Variants in CNTN4 observed in about 807,000 individuals in gnomAD.
CNTN4 encodes the protein contactin-4.
Under a neutral mutation model 122.5 loss-of-function variants are expected in CNTN4, and 77 were observed. That is an observed-to-expected ratio of 0.63 (90% CI 0.52 to 0.76). The LOEUF is 0.76. CNTN4 is among the 30% of genes least tolerant of loss of function. The pLI, the probability that CNTN4 is intolerant of heterozygous loss-of-function variation, is 0.00. For synonymous variants in CNTN4, 512 were observed against 447.0 expected (o/e 1.15, Z -1.83); for missense variants, 1,256 against 1,259.1 (o/e 1.00, Z 0.04).
intron 2 of CNTN4, among the ~76,000 whole-genome samples, chr3:2,172,594 C>A (rs1039430748): frequency 7.9e-5 from 12 of 152,142 alleles, no homozygotes; most frequent in African/African-American, 2.9e-4. Context: ...TAGGCCAGCC[C>A]ATGAAAGCCG....
chr3:2,438,713 TA>T (rs1454062181), intron 3 of CNTN4, among the ~76,000 whole-genome samples: 1 of 152,076 alleles, frequency 6.6e-6, no homozygotes, highest in East Asian at 1.9e-4. Flanking sequence ...TCAGCTCACA[TA>T]TGGTGGTGGA....
At chr3:2,578,263 G>C (rs1170906319) in intron 4 of CNTN4, among the ~76,000 whole-genome samples, 1 of 152,124 alleles carries the variant, frequency 6.6e-6, no homozygotes, top group African/African-American at 2.4e-5. Flanking sequence ...TAAAGTTTGG[G>C]CTTATTCTAG....
chr3:2,275,102 C>G (rs1279498198), intron 2 of CNTN4, among the ~76,000 whole-genome samples: 1 of 152,184 alleles, frequency 6.6e-6, no homozygotes, highest in Non-Finnish European at 1.5e-5. Flanking sequence ...GATGTCTAAA[C>G]ATTTTATGTG....
chr3:2,425,839 G>C (rs1374001164), intron 3 of CNTN4, among the ~76,000 whole-genome samples: 1 of 152,086 alleles, frequency 6.6e-6, no homozygotes, highest in East Asian at 1.9e-4. Flanking sequence ...ATTGTGAATG[G>C]GAGTTCACTC....
At chr3:2,485,974 A>T (rs896229735) in intron 3 of CNTN4, among the ~76,000 whole-genome samples, 1 of 152,108 alleles carries the variant, frequency 6.6e-6, no homozygotes, top group African/African-American at 2.4e-5. Flanking sequence ...CACACTGTGG[A>T]AGCTTTGTTC....
chr3:2,513,470 T>G (rs1459340068), intron 3 of CNTN4, among the ~76,000 whole-genome samples: 1 of 152,122 alleles, frequency 6.6e-6, no homozygotes, highest in Non-Finnish European at 1.5e-5. Context: ...CTTGGTTGAG[T>G]AAATAGTGTT....
At chr3:2,291,284 A>G (rs761053218) in intron 2 of CNTN4, among the ~76,000 whole-genome samples, 5 of 152,158 alleles carry the variant, frequency 3.3e-5, no homozygotes, top group Non-Finnish European at 7.4e-5. Context: ...CATTCAATAC[A>G]TTCTTGTTCA....
intron 4 of CNTN4, among the ~76,000 whole-genome samples, chr3:2,621,377 C>A (rs2081983194): frequency 6.6e-6 from 1 of 152,066 alleles, no homozygotes; most frequent in African/African-American, 2.4e-5. Context: ...GAGGTCTTAA[C>A]TTTTGTATCT....
At chr3:2,697,377 T>A (rs1021758575) in intron 4 of CNTN4, among the ~76,000 whole-genome samples, 26 of 152,218 alleles carry the variant, frequency 1.7e-4, no homozygotes. Context: ...TTTGTTTTTT[T>A]CTGAGCATCC....
intron 7 of CNTN4, among the ~76,000 whole-genome samples, chr3:2,827,976 A>G (rs1011966419): frequency 3.9e-5 from 6 of 152,218 alleles, no homozygotes; most frequent in Admixed American, 1.3e-4. Flanking sequence ...AATTGTCATA[A>G]AAAGCTATAA....
chr3:2,256,693 C>A (rs543698795), intron 2 of CNTN4, among the ~76,000 whole-genome samples: 1 of 152,194 alleles, frequency 6.6e-6, no homozygotes, highest in African/African-American at 2.4e-5. Context: ...TTCACAATTG[C>A]TATGAAGAGA....
At chr3:2,522,554 G>C (rs1248272892) in intron 3 of CNTN4, among the ~76,000 whole-genome samples, 3 of 151,794 alleles carry the variant, frequency 2.0e-5, no homozygotes, top group Non-Finnish European at 4.4e-5. Flanking sequence ...TGACTTACTG[G>C]CTATTAATAA....
Position 2,273,288 on chromosome 3 carries a change from C to T in CNTN4, c.-144-65890C>T, listed in dbSNP as rs189218499. On this transcript the variant is annotated intron_variant, in intron 2 of 24. Coordinates refer to ENST00000418658, the MANE Select transcript of CNTN4 (RefSeq NM_175607.3). ...AGTTGTCATTTTATAGTTGACCCCA[C>T]GTGTAACTTTTCGAAGACTCTCAGG... Among the ~76,000 whole-genome samples, 30 of 152,270 alleles carry T rather than the reference C, an allele frequency of 2.0e-4. No homozygotes were observed. In the East Asian group the frequency reaches 5.2e-3, roughly 26 times the overall value.
At position 2,637,658 on chromosome 3, in the gene CNTN4, T is replaced by C. The variant is rs370243367; in HGVS notation, c.55+66100T>C. The stretch of plus-strand genomic sequence containing the variant: ...TTGGGATTTGAATTCATCCTCTTGA[T>C]TATTACTGCCCTGCTTATTCAACTC... On this transcript the variant is annotated intron_variant, in intron 4 of 24. Transcript: ENST00000418658. 3.9e-5 allele frequency among the ~76,000 whole-genome samples: 6 copies of C among 152,168 alleles called. No homozygotes were observed. The East Asian group carries it at 7.7e-4, about 20-fold the overall frequency.
chr3:2,277,634 C>T (rs1381595334), intron 2 of CNTN4, among the ~76,000 whole-genome samples: 1 of 152,100 alleles, frequency 6.6e-6, no homozygotes, highest in East Asian at 1.9e-4. Flanking sequence ...CATAACTATT[C>T]AGGTTTCCCT....
intron 3 of CNTN4, among the ~76,000 whole-genome samples, chr3:2,570,233 G>A (rs1215343377): frequency 1.3e-5 from 2 of 151,912 alleles, no homozygotes; most frequent in East Asian, 3.9e-4. Context: ...GAATGCAGTG[G>A]AGTGATTATG....
At chr3:2,919,627 A>G (rs193078983) in intron 12 of CNTN4, among the ~76,000 whole-genome samples, 44 of 152,326 alleles carry the variant, frequency 2.9e-4, no homozygotes, top group African/African-American at 1.0e-3. Flanking sequence ...GACTTCGCAT[A>G]CTGTACACTA....
intron 15 of CNTN4, among the ~76,000 whole-genome samples, chr3:3,028,485 A>G (rs1318277141): frequency 6.6e-6 from 1 of 152,192 alleles, no homozygotes; most frequent in Non-Finnish European, 1.5e-5. Flanking sequence ...GTACTTCTGA[A>G]TCGCAAAATC....
At chr3:3,006,172 A>T (rs112853232) in intron 14 of CNTN4, among the ~76,000 whole-genome samples, 2 of 152,224 alleles carry the variant, frequency 1.3e-5, no homozygotes, top group Non-Finnish European at 2.9e-5. Flanking sequence ...CACCGCGCCC[A>T]GCCCACGCTG....
Sources: allele counts gnomAD v4.1 joint callset (sites outside exome capture counted in the v4.1 genomes callset), GRCh38; gene constraint gnomAD v4.1.1; transcripts MANE v1.5; gene names NCBI Gene and HGNC (gene_info 2026-07-23, HGNC 2026-07-21).